The following RANBP17 variants were observed in gnomAD, a reference collection of about 807,000 sequenced individuals.
RANBP17 encodes ran-binding protein 17.
RANBP17 carries 158 observed loss-of-function variants against 141.2 expected under a neutral mutation model. That is an observed-to-expected ratio of 1.12 (90% confidence interval 0.98 to 1.28). The LOEUF is 1.28. Ranked by LOEUF, RANBP17 falls within the 50% of genes most tolerant of loss-of-function variation. RANBP17 has a pLI of 0.00. For synonymous variants in RANBP17, 430 were observed against 450.0 expected (o/e 0.96, Z 0.56); for missense variants, 1,438 against 1,290.7 (o/e 1.11, Z -1.75).
chr5:171,165,514 G>C (rs1285423213), intron 14 of RANBP17, among the ~76,000 whole-genome samples: 3 of 151,970 alleles, frequency 2.0e-5, no homozygotes, highest in Non-Finnish European at 4.4e-5. Flanking sequence ...CTATTTTATG[G>C]GTAAGAAACC....
intron 12 of RANBP17, among the ~76,000 whole-genome samples, chr5:170,937,693 A>ACAAC (rs1190101217): frequency 6.6e-6 from 1 of 152,178 alleles, no homozygotes; most frequent in East Asian, 1.9e-4. Context: ...GTGACCCTGT[A>ACAAC]AGCTTGTGTT....
chr5:170,863,105 C>T (rs1469173556), intron 1 of RANBP17, among the ~76,000 whole-genome samples: 2 of 146,830 alleles, frequency 1.4e-5, no homozygotes, highest in African/African-American at 5.5e-5. Context: ...TTTCTACTCT[C>T]AGGGAACTTG....
intron 22 of RANBP17, among the ~76,000 whole-genome samples, chr5:171,237,972 T>C (rs560826961): frequency 1.3e-5 from 2 of 152,308 alleles, no homozygotes; most frequent in Admixed American, 1.3e-4. Flanking sequence ...TCAGTAAGTA[T>C]TGCTGAATAA....
At chr5:170,891,114 A>G (rs191293559) in intron 3 of RANBP17, among the ~76,000 whole-genome samples, 421 of 152,360 alleles carry the variant, frequency 2.8e-3, no homozygotes, top group Middle Eastern at 0.01. Context: ...GTGCTATGCA[A>G]TGCTACATAA....
At chr5:171,095,464 T>C (rs1384830982) in intron 14 of RANBP17, among the ~76,000 whole-genome samples, 1 of 152,176 alleles carries the variant, frequency 6.6e-6, no homozygotes, top group Non-Finnish European at 1.5e-5. Context: ...ATGTAGGACA[T>C]TACTGGCTAC....
At chr5:170,895,030 A>G (rs919709309) in intron 4 of RANBP17, among the ~76,000 whole-genome samples, 23 of 152,180 alleles carry the variant, frequency 1.5e-4, no homozygotes, top group African/African-American at 5.1e-4. Context: ...TGGTCAGGGT[A>G]CCACACTTTG....
intron 18 of RANBP17, among the ~76,000 whole-genome samples, chr5:171,195,122 A>T (rs576028138): frequency 2.2e-4 from 34 of 152,310 alleles, no homozygotes; most frequent in Middle Eastern, 6.8e-3. Flanking sequence ...ACTTTTCCTG[A>T]TGGCAATGAA....
At chr5:171,069,378 C>T (rs1784503660) in intron 14 of RANBP17, among the ~76,000 whole-genome samples, 1 of 152,132 alleles carries the variant, frequency 6.6e-6, no homozygotes, top group Non-Finnish European at 1.5e-5. Context: ...CTTCTTTATT[C>T]ATCAAGCAGT....
chr5:171,298,811 C>T lies in RANBP17; in HGVS notation c.3220C>T (p.Arg1074Cys), dbSNP rs748673739. The T allele has an allele frequency of 1.5e-5, 24 of 1,614,066 alleles. No homozygotes were observed. The highest frequency in any genetic ancestry group is 4.0e-5 in the African/African-American group (3 of 74,930). The change falls in exon 28 of 28, where the codon CGC becomes TGC. Residue 1074 changes from arginine (R) to cysteine (C), a missense_variant. Transcript: ENST00000523189. ...CAGAAGAGATGTGGCAGAGGCGTTG[C>T]GCAGTGATGGCAACACTGAACCATG... is the stretch of plus-strand genomic sequence containing the variant. Reference protein sequence around the residue: ...VFRRDVAEALRSDGNTEPCSL... With the variant: ...VFRRDVAEALCSDGNTEPCSL...
At chr5:171,263,759 T>C (rs1220701491) in intron 24 of RANBP17, among the ~76,000 whole-genome samples, 1 of 152,168 alleles carries the variant, frequency 6.6e-6, no homozygotes, top group Non-Finnish European at 1.5e-5. Context: ...GAGTGCCCAT[T>C]GTGATTCAAG....
chr5:170,897,622 C>CA (rs1191586956), intron 5 of RANBP17, among the ~76,000 whole-genome samples: 1 of 150,924 alleles, frequency 6.6e-6, no homozygotes, highest in African/African-American at 2.4e-5. Context: ...CATGTGATCT[C>CA]ATTGTTCAGC....
At chr5:171,253,120 A>G in intron 24 of RANBP17, 1 of 611,446 alleles carries the variant, frequency 1.6e-6, no homozygotes. Context: ...TTTGCACACG[A>G]TAAAGCAAAG....
intron 4 of RANBP17, 87 bp from the exon 5 acceptor site, chr5:170,895,963 T>C: frequency 1.6e-6 from 1 of 633,394 alleles, no homozygotes; most frequent in East Asian, 3.0e-5. Context: ...TTTCAGTCTT[T>C]AATTGTTTGT....
intron 14 of RANBP17, among the ~76,000 whole-genome samples, chr5:170,983,404 G>T (rs1170461807): frequency 6.6e-6 from 1 of 152,122 alleles, no homozygotes; most frequent in African/African-American, 2.4e-5. Flanking sequence ...TAAATGAAAA[G>T]GAAGTCAAAC....
chr5:171,058,177 A>C (rs1783538650), intron 14 of RANBP17, among the ~76,000 whole-genome samples: 1 of 151,702 alleles, frequency 6.6e-6, no homozygotes. Flanking sequence ...TATTATTATT[A>C]TACTTTAAGT....
chr5:170,927,247 A>C (rs1773000513), intron 12 of RANBP17, among the ~76,000 whole-genome samples: 1 of 152,082 alleles, frequency 6.6e-6, no homozygotes, highest in Non-Finnish European at 1.5e-5. Flanking sequence ...GATTGTTTCC[A>C]TGTATCCTTC....
rs182478894 is a variant in RANBP17 at position 171,287,212 on chromosome 5, C to T, written c.2944-6671C>T. On this transcript the variant is annotated intron_variant, in intron 25 of 27. Coordinates refer to ENST00000523189, the MANE Select transcript of RANBP17 (RefSeq NM_022897.5). ...GACAAATTAAGATTAACAGATTGGC[C>T]GGGTGCAGTGGCTCACGCCTGTAAT... 2.3e-4 allele frequency among the ~76,000 whole-genome samples: 35 copies of T among 152,280 alleles called. No homozygotes were observed. In the East Asian group the frequency reaches 3.9e-3, roughly 17 times the overall value.
chr5:171,254,947 T>A (rs1427286792), intron 24 of RANBP17, among the ~76,000 whole-genome samples: 1 of 152,236 alleles, frequency 6.6e-6, no homozygotes, highest in African/African-American at 2.4e-5. Flanking sequence ...GCTCAGTAAA[T>A]GACTTCACCT....
intron 14 of RANBP17, among the ~76,000 whole-genome samples, chr5:171,149,185 A>G (rs1294029211): frequency 1.3e-5 from 2 of 152,180 alleles, no homozygotes; most frequent in East Asian, 1.9e-4. Context: ...ATATCTACCA[A>G]CATCCACTGT....
Sources: allele counts gnomAD v4.1 joint callset (sites outside exome capture counted in the v4.1 genomes callset), GRCh38; gene constraint gnomAD v4.1.1; transcripts MANE v1.5; gene names NCBI Gene and HGNC (gene_info 2026-07-23, HGNC 2026-07-21).